The following KANK1 variants were observed in gnomAD, a reference collection of about 807,000 sequenced individuals.
KANK1 encodes KN motif and ankyrin repeat domain-containing protein 1.
KANK1 carries 109 observed loss-of-function variants against 106.2 expected under a neutral mutation model. The observed-to-expected ratio is 1.03, with a 90% CI of 0.88 to 1.20. The LOEUF (loss-of-function observed/expected upper bound fraction) is 1.20, where lower values mean the gene tolerates loss of function less well. KANK1 is among the 50% of genes most tolerant of loss of function. The pLI is 0.00. For synonymous variants in KANK1, 873 were observed against 652.2 expected (o/e 1.34, Z -5.16); for missense variants, 2,399 against 1,710.7 (o/e 1.40, Z -7.10).
At chr9:741,098 C>A (rs770270048) in intron 9 of KANK1, among the ~76,000 whole-genome samples, 164 bp downstream of exon 9, 7 of 152,230 alleles carry the variant, frequency 4.6e-5, no homozygotes, top group Admixed American at 4.6e-4. Context: ...CCTTGCTGAC[C>A]AAACATACCA....
intron 1 of KANK1, among the ~76,000 whole-genome samples, chr9:621,357 C>G (rs12346241): frequency 0.031 from 4,786 of 152,140 alleles, 249 homozygotes; most frequent in African/African-American, 0.11. Flanking sequence ...TGAGCAAAGT[C>G]TTCATATGCA....
intron 2 of KANK1, among the ~76,000 whole-genome samples, 174 bp from the exon 3 acceptor site, chr9:710,620 AAAAAAAAAAC>A (rs1275689679): frequency 8.7e-5 from 11 of 126,448 alleles, no homozygotes; most frequent in South Asian, 4.9e-4. Context: ...TGTCTCAAAA[AAAAAAAAAAC>A]AAAAAAAAAC....
At chr9:562,515 A>G (rs1296663369) in intron 1 of KANK1, among the ~76,000 whole-genome samples, 29 of 152,162 alleles carry the variant, frequency 1.9e-4, no homozygotes, top group Admixed American at 1.8e-3. Context: ...CTGCAGTGAG[A>G]TGGTGTAGTG....
chr9:564,868 G>A (rs1434449997), intron 1 of KANK1, among the ~76,000 whole-genome samples: 2 of 152,184 alleles, frequency 1.3e-5, no homozygotes, highest in African/African-American at 4.8e-5. Context: ...GTTGTTTTTG[G>A]CTTCTCTTGG....
At chr9:684,841 C>T (rs981145882) in intron 2 of KANK1, among the ~76,000 whole-genome samples, 17 of 151,800 alleles carry the variant, frequency 1.1e-4, no homozygotes, top group African/African-American at 4.1e-4. Flanking sequence ...TTTGATCTGG[C>T]ATGAAAAATA....
At chr9:679,921 T>TA (rs1414023313) in intron 2 of KANK1, among the ~76,000 whole-genome samples, 1 of 152,088 alleles carries the variant, frequency 6.6e-6, no homozygotes, top group Non-Finnish European at 1.5e-5. Flanking sequence ...CTCCAATGTT[T>TA]AAAAAAATAC....
chr9:637,329 T>A (rs1209270921), intron 1 of KANK1, among the ~76,000 whole-genome samples: 1 of 152,218 alleles, frequency 6.6e-6, no homozygotes, highest in Non-Finnish European at 1.5e-5. Context: ...TCTGTGACAG[T>A]ACTTTGTTTA....
intron 3 of KANK1, among the ~76,000 whole-genome samples, chr9:492,880 C>A (rs971032457): frequency 6.6e-6 from 1 of 151,766 alleles, no homozygotes; most frequent in Non-Finnish European, 1.5e-5. Flanking sequence ...CAAAATTAGC[C>A]GGGCGTGGTG....
At chr9:568,338 A>G (rs568674212) in intron 1 of KANK1, among the ~76,000 whole-genome samples, 1 of 152,344 alleles carries the variant, frequency 6.6e-6, no homozygotes, top group South Asian at 2.1e-4. Context: ...CATTTCCTTA[A>G]TCTTCATAAA....
chr9:644,527 C>G (rs1168042003), intron 1 of KANK1, among the ~76,000 whole-genome samples: 1 of 150,790 alleles, frequency 6.6e-6, no homozygotes, highest in Non-Finnish European at 1.5e-5. Flanking sequence ...GCACGTTTTA[C>G]GTGGCCAGAG....
chr9:581,251 C>G (rs1822069486), intron 1 of KANK1, among the ~76,000 whole-genome samples: 1 of 152,206 alleles, frequency 6.6e-6, no homozygotes, highest in African/African-American at 2.4e-5. Flanking sequence ...AAGGGCTCCT[C>G]AAGCACGGCC....
At chr9:619,317 G>C (rs769306308) in intron 1 of KANK1, among the ~76,000 whole-genome samples, 1 of 152,166 alleles carries the variant, frequency 6.6e-6, no homozygotes, top group Non-Finnish European at 1.5e-5. Flanking sequence ...TATCTAGTTG[G>C]GTAGAAGAGG....
chr9:606,513 G>A (rs1829210957), intron 1 of KANK1, among the ~76,000 whole-genome samples: 2 of 146,140 alleles, frequency 1.4e-5, no homozygotes, highest in Middle Eastern at 3.4e-3. Flanking sequence ...CTGAGATCCC[G>A]CCATTGTACT....
intron 1 of KANK1, among the ~76,000 whole-genome samples, chr9:551,141 A>G (rs937914555): frequency 3.3e-5 from 5 of 151,868 alleles, no homozygotes; most frequent in African/African-American, 1.2e-4. Context: ...GTATAACCAG[A>G]TTGTCATAAG....
At chr9:675,848 C>T (rs543857961) in intron 1 of KANK1, among the ~76,000 whole-genome samples, 2 of 152,302 alleles carry the variant, frequency 1.3e-5, no homozygotes, top group Non-Finnish European at 2.9e-5. Context: ...CACACAGTTA[C>T]TTCTTGATGC....
At chr9:507,644 C>T (rs2058825282) in intron 1 of KANK1, among the ~76,000 whole-genome samples, 1 of 151,554 alleles carries the variant, frequency 6.6e-6, no homozygotes, top group African/African-American at 2.4e-5. Context: ...GCAACCTCCG[C>T]CTCCTGGGTT....
chr9:574,674 A>G (rs1044317039), intron 1 of KANK1, among the ~76,000 whole-genome samples: 18 of 151,686 alleles, frequency 1.2e-4, no homozygotes, highest in African/African-American at 3.6e-4. Flanking sequence ...GGCCAACACA[A>G]TGAAACCCCA....
chr9:546,932 G>T (rs1010335602), intron 1 of KANK1, among the ~76,000 whole-genome samples: 8 of 152,146 alleles, frequency 5.3e-5, no homozygotes, highest in Admixed American at 4.6e-4. Context: ...CTCTGGCTTT[G>T]GGAAGGAAAG....
At chr9:695,806 C>T (rs768304334) in intron 2 of KANK1, among the ~76,000 whole-genome samples, 10 of 152,096 alleles carry the variant, frequency 6.6e-5, no homozygotes, top group East Asian at 3.9e-4. Context: ...TCTAATTTGC[C>T]GACAGCTGCA....
Sources: allele counts gnomAD v4.1 joint callset (sites outside exome capture counted in the v4.1 genomes callset), GRCh38; gene constraint gnomAD v4.1.1; transcripts MANE v1.5; gene names NCBI Gene and HGNC (gene_info 2026-07-23, HGNC 2026-07-21).